The following NLGN4X variants were observed in gnomAD, a reference collection of about 807,000 sequenced individuals.
NLGN4X encodes neuroligin 4 X-linked, also known as neuroligin-4, X-linked.
In NLGN4X, 3 loss-of-function variants were observed where a neutral mutation model predicts 40.3. The observed-to-expected ratio is 0.07, with a 90% CI of 0.03 to 0.19. The LOEUF (loss-of-function observed/expected upper bound fraction) is 0.19. NLGN4X is among the 10% of genes least tolerant of loss of function. The pLI is 1.00. For missense variants in NLGN4X, 382 were observed against 708.3 expected, an observed-to-expected ratio of 0.54 and a Z score of 5.23; for synonymous variants, 270 against 306.8, an observed-to-expected ratio of 0.88 and a Z score of 1.25.
chrX:6,221,310 A>G (rs1363462070), intron 1 of NLGN4X, among the ~76,000 whole-genome samples: 2 of 100,108 alleles, frequency 2.0e-5, no homozygotes, highest in African/African-American at 7.3e-5. Context: ...GCCAGATGTT[A>G]TGAGTTGTTT....
intron 3 of NLGN4X, among the ~76,000 whole-genome samples, chrX:6,024,302 GCTGGCTT>G (rs2036628506): frequency 9.0e-6 from 1 of 111,716 alleles, no homozygotes; most frequent in Non-Finnish European, 1.9e-5. Context: ...CAAGGATTTT[GCTGGCTT>G]CTGGCTTCTG....
rs1175419843 is a variant in NLGN4X, at chrX:6,096,276, T to C, written c.472+54719A>G. ...TTGAATGGTGTATTAACACTGGCTTTTCATGTTCTATTGAGCCTCATTTCC... is the reference window on the plus strand; with the variant it reads ...TTGAATGGTGTATTAACACTGGCTTCTCATGTTCTATTGAGCCTCATTTCC... On this transcript the variant is annotated intron_variant, in intron 2 of 5. Transcript: ENST00000381095. Among the ~76,000 whole-genome samples the C allele has an allele frequency of 2.7e-5, 3 of 111,487 alleles. No homozygotes were observed. The South Asian group carries it at 1.1e-3, about 43-fold the overall frequency.
At chrX:5,964,123 G>T (rs745506063) in intron 3 of NLGN4X, among the ~76,000 whole-genome samples, 70 of 111,516 alleles carry the variant, frequency 6.3e-4, no homozygotes, top group African/African-American at 2.1e-3. Flanking sequence ...TCAGGGGTGG[G>T]TTATAAATGT....
At chrX:6,195,994 A>G (rs948119608) in intron 1 of NLGN4X, among the ~76,000 whole-genome samples, 2 of 110,406 alleles carry the variant, frequency 1.8e-5, no homozygotes, top group Admixed American at 9.7e-5. Context: ...GGATCTCACT[A>G]TTTTGCCCAG....
intron 2 of NLGN4X, among the ~76,000 whole-genome samples, chrX:6,085,236 G>A (rs1301935300): frequency 9.0e-6 from 1 of 111,090 alleles, no homozygotes; most frequent in African/African-American, 3.3e-5. Context: ...AGTGATCAAA[G>A]TGGGAAGGAA....
At chrX:5,905,946 C>T (rs2032149590) in intron 4 of NLGN4X, among the ~76,000 whole-genome samples, 1 of 112,163 alleles carries the variant, frequency 8.9e-6, no homozygotes, top group African/African-American at 3.2e-5. Flanking sequence ...CAGGCAGGAG[C>T]CTCAGTGCCT....
chrX:5,890,887 G>C lies in NLGN4X; in HGVS notation c.*1930C>G, dbSNP rs2031126438. ...AAACACTGATATATCACTATAGTTTGAGTGTAGGGATTCAGTAATCAAAGG... is the reference window on the plus strand; with the variant it reads ...AAACACTGATATATCACTATAGTTTCAGTGTAGGGATTCAGTAATCAAAGG... On this transcript the variant is annotated 3_prime_UTR_variant, in exon 6 of 6. Coordinates refer to ENST00000381095, the MANE Select transcript of NLGN4X (RefSeq NM_181332.3). 1 of 320,815 alleles carries C rather than the reference G, an allele frequency of 3.1e-6. No individual in the cohort carries two copies. Among genetic ancestry groups the C allele is most frequent in the Non-Finnish European group, 6.0e-6 (1 of 167,971 alleles). 26.4% of individuals were successfully genotyped at this position (320,815 alleles called of 1,213,427 possible).
At chrX:5,928,910 C>G (rs1382284276) in intron 3 of NLGN4X, among the ~76,000 whole-genome samples, 4 of 107,617 alleles carry the variant, frequency 3.7e-5, no homozygotes, top group African/African-American at 1.4e-4. Context: ...TCCTTGAACT[C>G]CTGGGCTCAA....
intron 2 of NLGN4X, chrX:6,032,851 GA>G: frequency 2.3e-6 from 1 of 435,604 alleles, no homozygotes; most frequent in Non-Finnish European, 3.6e-6. Context: ...CCCAGAAAAA[GA>G]AAAAAAGAAA....
chrX:6,024,198 T>C (rs2036625906), intron 3 of NLGN4X, among the ~76,000 whole-genome samples: 1 of 111,585 alleles, frequency 9.0e-6, no homozygotes, highest in African/African-American at 3.3e-5. Flanking sequence ...GGGTAAATGA[T>C]ACGTATGGAT....
intron 1 of NLGN4X, among the ~76,000 whole-genome samples, chrX:6,223,519 T>G (rs905299883): frequency 8.9e-6 from 1 of 112,561 alleles, no homozygotes; most frequent in African/African-American, 3.2e-5. Context: ...AGCTATCACC[T>G]TCTTTTTTTT....
rs749574818 is a variant in NLGN4X at position 6,225,689 on chromosome X, C to CTTTTTTTTTTTTTTTTTT, written c.-306+2834_-306+2851dup. Among the ~76,000 whole-genome samples, 51 of 26,906 alleles carry CTTTTTTTTTTTTTTTTTT rather than the reference C, an allele frequency of 1.9e-3. 4 individuals carry two copies. The highest frequency in any genetic ancestry group is 2.2e-3 in the Non-Finnish European group (34 of 15,483). 23.4% of individuals were successfully genotyped at this position (26,906 alleles called of 115,157 possible). A position where few individuals can be genotyped will look rare whatever the true frequency, so the allele number is the denominator to read the frequency against. On this transcript the variant is annotated intron_variant, in intron 1 of 5. Coordinates refer to ENST00000381095, the MANE Select transcript of NLGN4X (RefSeq NM_181332.3). ...TTTCCTTTTTTTTCTTTCTTTTTTT[C>CTTTTTTTTTTTTTTTTTT]TTTTTTTTTTTTTTTTTTTTTTTTT...
rs149675007 is a variant in NLGN4X at position 6,101,132 on chromosome X, C to G, written c.472+49863G>C. Among the ~76,000 whole-genome samples, 453 of 111,804 alleles carry G rather than the reference C, an allele frequency of 4.1e-3. 1 individual carries two copies. The highest frequency in any genetic ancestry group is 0.014 in the African/African-American group (427 of 30,837). ...GAATGTACTTTTCAGGATGCCCCCA[C>G]GTGAGGCCTCTCAGAAATGTAATCT... On this transcript the variant is annotated intron_variant, in intron 2 of 5. Coordinates refer to ENST00000381095, the MANE Select transcript of NLGN4X (RefSeq NM_181332.3).
chrX:5,937,234 C>T (rs2033761908), intron 3 of NLGN4X, among the ~76,000 whole-genome samples: 1 of 110,634 alleles, frequency 9.0e-6, no homozygotes, highest in Admixed American at 9.6e-5. Flanking sequence ...GGTACCACAC[C>T]CAGCTAATTT....
chrX:6,088,370 T>C (rs1248967634), intron 2 of NLGN4X, among the ~76,000 whole-genome samples: 3 of 111,753 alleles, frequency 2.7e-5, no homozygotes, highest in African/African-American at 9.8e-5. Flanking sequence ...ACCATCAACA[T>C]CTGCGCAGTT....
chrX:6,078,144 C>G (rs1366285803), intron 2 of NLGN4X, among the ~76,000 whole-genome samples: 1 of 111,886 alleles, frequency 8.9e-6, no homozygotes, highest in Non-Finnish European at 1.9e-5. Flanking sequence ...TCATAACCCA[C>G]ATTAGATGTT....
chrX:6,163,962 A>C (rs1244619727), intron 1 of NLGN4X, among the ~76,000 whole-genome samples: 5 of 112,808 alleles, frequency 4.4e-5, no homozygotes, highest in Non-Finnish European at 9.4e-5. Context: ...AGAAGACAGA[A>C]AATTGGCAAG....
At chrX:5,942,068 C>A (rs1366686655) in intron 3 of NLGN4X, among the ~76,000 whole-genome samples, 1 of 109,976 alleles carries the variant, frequency 9.1e-6, no homozygotes, top group African/African-American at 3.3e-5. Context: ...CCAGCCTGGG[C>A]AGCATAACAA....
chrX:6,076,696 C>T (rs1378259190), intron 2 of NLGN4X, among the ~76,000 whole-genome samples: 2 of 112,102 alleles, frequency 1.8e-5, no homozygotes, highest in South Asian at 3.7e-4. Flanking sequence ...ATGCAGCCTA[C>T]CATGTGACTG....
Sources: gnomAD v4.1 joint callset for allele counts (sites outside exome capture counted in the v4.1 genomes callset) on GRCh38, gnomAD v4.1.1 for gene constraint, MANE v1.5 for transcripts, NCBI Gene and HGNC (gene_info 2026-07-23, HGNC 2026-07-21) for gene names.